Variants in RBFOX1 observed in about 807,000 individuals in gnomAD.
The protein encoded by RBFOX1 is RNA binding protein fox-1 homolog 1.
A neutral mutation model predicts 57.7 loss-of-function variants in RBFOX1; 8 were observed. The ratio of observed to expected loss-of-function variants is 0.14; its 90% CI spans 0.08 to 0.25. RBFOX1 has a LOEUF of 0.25. Ranked by LOEUF, RBFOX1 falls within the 10% of genes least tolerant of loss-of-function variation. RBFOX1 has a pLI of 1.00. For missense variants in RBFOX1, 611 were observed against 548.5 expected (o/e 1.11, Z -1.14); for synonymous variants, 326 against 222.4 (o/e 1.47, Z -4.15).
intron 1 of RBFOX1, among the ~76,000 whole-genome samples, chr16:5,453,425 C>A (rs1009108619): frequency 6.6e-6 from 1 of 152,268 alleles, no homozygotes; most frequent in Non-Finnish European, 1.5e-5. Flanking sequence ...ACACTCTTAG[C>A]ATCACATACT....
intron 2 of RBFOX1, among the ~76,000 whole-genome samples, chr16:6,586,174 A>G (rs569227745): frequency 3.7e-4 from 57 of 152,358 alleles, no homozygotes; most frequent in Non-Finnish European, 6.6e-4. Flanking sequence ...AGGCAGCCGT[A>G]GGCAGTTGTT....
intron 1 of RBFOX1, among the ~76,000 whole-genome samples, chr16:6,078,518 C>A (rs1039931023): frequency 6.6e-6 from 1 of 152,126 alleles, no homozygotes; most frequent in East Asian, 1.9e-4. Context: ...ACTGGACACC[C>A]CTGTTCTAGA....
At chr16:6,039,920 T>A (rs2095418047) in intron 1 of RBFOX1, among the ~76,000 whole-genome samples, 1 of 152,132 alleles carries the variant, frequency 6.6e-6, no homozygotes, top group South Asian at 2.1e-4. Flanking sequence ...AGCCCTTCAG[T>A]GGTTACTGAT....
chr16:5,837,571 G>T (rs1375949494), intron 3 of RBFOX1, among the ~76,000 whole-genome samples: 1 of 149,754 alleles, frequency 6.7e-6, no homozygotes, highest in Non-Finnish European at 1.5e-5. Flanking sequence ...AGGTGGAAAA[G>T]CACCTCACAG....
intron 3 of RBFOX1, among the ~76,000 whole-genome samples, chr16:6,825,888 A>G (rs573023588): frequency 6.6e-6 from 1 of 152,338 alleles, no homozygotes; most frequent in South Asian, 2.1e-4. Flanking sequence ...TGTAGGTGGC[A>G]GCAAGACTTT....
At chr16:7,060,021 A>G (rs1358429334) in intron 4 of RBFOX1, among the ~76,000 whole-genome samples, 1 of 152,210 alleles carries the variant, frequency 6.6e-6, no homozygotes, top group Non-Finnish European at 1.5e-5. Flanking sequence ...AGAAATGTGG[A>G]AAGATTCTGC....
intron 2 of RBFOX1, among the ~76,000 whole-genome samples, chr16:6,651,100 C>G (rs970627292): frequency 6.6e-6 from 1 of 152,174 alleles, no homozygotes; most frequent in African/African-American, 2.4e-5. Context: ...TGGAGTTTCA[C>G]CATATTAGCC....
chr16:6,060,380 A>G (rs920833078), intron 1 of RBFOX1, among the ~76,000 whole-genome samples: 18 of 152,092 alleles, frequency 1.2e-4, no homozygotes, highest in African/African-American at 4.3e-4. Flanking sequence ...TAAAACACTT[A>G]CAGCAATGCC....
At chr16:6,520,419 A>C (rs906863631) in intron 2 of RBFOX1, among the ~76,000 whole-genome samples, 1 of 152,188 alleles carries the variant, frequency 6.6e-6, no homozygotes, top group East Asian at 1.9e-4. Context: ...ATAAAATCCT[A>C]ATTTTTAAAA....
At chr16:5,684,345 A>G (rs1227629113) in intron 3 of RBFOX1, among the ~76,000 whole-genome samples, 2 of 152,128 alleles carry the variant, frequency 1.3e-5, no homozygotes, top group Middle Eastern at 3.2e-3. Flanking sequence ...CCTGACTAAT[A>G]CAGCTGTGGA....
chr16:7,077,500 T>A (rs149740868), intron 4 of RBFOX1, among the ~76,000 whole-genome samples: 10 of 152,314 alleles, frequency 6.6e-5, no homozygotes, highest in African/African-American at 1.4e-4. Flanking sequence ...ATCATAAACA[T>A]GGACTAATGG....
chr16:7,560,960 G>A (rs1398124894), intron 5 of RBFOX1, among the ~76,000 whole-genome samples: 3 of 152,166 alleles, frequency 2.0e-5, no homozygotes, highest in South Asian at 4.1e-4. Flanking sequence ...TTCCATCAGA[G>A]AACTCATCCG....
chr16:5,284,695 C>G (rs2063349171), intron 1 of RBFOX1, among the ~76,000 whole-genome samples: 1 of 147,360 alleles, frequency 6.8e-6, no homozygotes, highest in Non-Finnish European at 1.5e-5. Flanking sequence ...ATGTGAGCCA[C>G]TGTGCCAGGC....
intron 10 of RBFOX1, among the ~76,000 whole-genome samples, chr16:7,628,210 G>T (rs1002539622): frequency 2.0e-5 from 3 of 152,144 alleles, no homozygotes; most frequent in Non-Finnish European, 2.9e-5. Context: ...CTTCATAGCT[G>T]ATTTTAAGTG....
chr16:6,699,274 C>T (rs75998983), intron 3 of RBFOX1, among the ~76,000 whole-genome samples: 3,894 of 151,450 alleles, frequency 0.026, 162 homozygotes, highest in African/African-American at 0.082. Flanking sequence ...GAGGCTTTGC[C>T]TTCATAGTTA....
At chr16:6,973,667 A>T (rs949335803) in intron 3 of RBFOX1, among the ~76,000 whole-genome samples, 20 of 152,124 alleles carry the variant, frequency 1.3e-4, no homozygotes, top group Non-Finnish European at 7.3e-5. Context: ...CTGAAAAATA[A>T]ACCCATTTGG....
chr16:5,839,059 C>T (rs1405951137), intron 3 of RBFOX1, among the ~76,000 whole-genome samples: 1 of 152,116 alleles, frequency 6.6e-6, no homozygotes, highest in Non-Finnish European at 1.5e-5. Context: ...TGATAAACCA[C>T]CTCCAAAGCA....
intron 14 of RBFOX1, among the ~76,000 whole-genome samples, chr16:7,697,821 T>C (rs995102816): frequency 6.6e-6 from 1 of 152,160 alleles, no homozygotes; most frequent in African/African-American, 2.4e-5. Context: ...AACTAGTATT[T>C]TGAGTCGGAT....
chr16:5,933,036 C>G (rs12446129), intron 4 of RBFOX1, among the ~76,000 whole-genome samples: 31,109 of 152,214 alleles, frequency 0.2, 3,922 homozygotes, highest in Non-Finnish European at 0.29. Context: ...AAGCCCAGAG[C>G]CGAGGAAGCT....
Sources: allele counts gnomAD v4.1 joint callset (sites outside exome capture counted in the v4.1 genomes callset), GRCh38; gene constraint gnomAD v4.1.1; transcripts MANE v1.5; gene names NCBI Gene and HGNC (gene_info 2026-07-23, HGNC 2026-07-21).